The following SGPL1 variants were observed in gnomAD, a reference collection of about 807,000 sequenced individuals.
SGPL1 encodes the protein SP-lyase 1.
SGPL1 carries 37 observed loss-of-function variants against 68.9 expected under a neutral mutation model. That is an observed-to-expected ratio of 0.54 (90% CI 0.41 to 0.71). The LOEUF is 0.71. Among genes scored for constraint, SGPL1 ranks in the 30% least tolerant of loss-of-function variants. SGPL1 has a pLI of 0.00. For synonymous variants in SGPL1, 236 were observed against 248.5 expected (o/e 0.95, Z 0.47); for missense variants, 551 against 704.6 (o/e 0.78, Z 2.47).
intron 7 of SGPL1, among the ~76,000 whole-genome samples, chr10:70,864,681 A>G (rs555016713): frequency 2.6e-5 from 4 of 152,176 alleles, no homozygotes; most frequent in African/African-American, 9.6e-5. Flanking sequence ...TTTATTTTGC[A>G]TGCTACATAC....
chr10:70,862,572 C>T (rs765840098), intron 7 of SGPL1, among the ~76,000 whole-genome samples: 1 of 152,168 alleles, frequency 6.6e-6, no homozygotes, highest in Admixed American at 6.5e-5. Context: ...ACTGCTCACT[C>T]TTTGGGTCCA....
At chr10:70,844,088 A>T (rs772174115) in intron 2 of SGPL1, among the ~76,000 whole-genome samples, 4 of 152,226 alleles carry the variant, frequency 2.6e-5, no homozygotes, top group African/African-American at 9.6e-5. Context: ...GGGGTAGAGA[A>T]TAGGAAAGAT....
chr10:70,854,189 G>A (rs76280244), intron 4 of SGPL1, among the ~76,000 whole-genome samples: 7 of 125,658 alleles, frequency 5.6e-5, no homozygotes, highest in East Asian at 2.2e-4. Context: ...TTTTTTTTTT[G>A]AGACAGAGTC....
chr10:70,863,976 C>G (rs1274167813), intron 7 of SGPL1, among the ~76,000 whole-genome samples: 1 of 152,108 alleles, frequency 6.6e-6, no homozygotes, highest in African/African-American at 2.4e-5. Flanking sequence ...AGGGTGAAAG[C>G]TAGTTTTGCC....
intron 10 of SGPL1, 71 bp from the exon 11 acceptor site, chr10:70,871,766 C>G (rs1287785447): frequency 6.9e-7 from 1 of 1,449,278 alleles, no homozygotes; most frequent in Admixed American, 1.9e-5. Context: ...CATCTTTCCA[C>G]CCATGTCTTG....
In SGPL1 at chr10:70,862,653, G is replaced by A. The variant is rs549946959; in HGVS notation, c.615+3154G>A. 3.3e-5 allele frequency among the ~76,000 whole-genome samples: 5 copies of A among 152,116 alleles called. No homozygotes were observed. The East Asian group carries it at 9.7e-4, about 30-fold the overall frequency. ...TCACTCCTGAAGCCAGTGAGACCAC[G>A]AGCCCACCGGGAGGAACGAACAACT... On this transcript the variant is annotated intron_variant, in intron 7 of 14. Transcript: ENST00000373202.
Position 70,818,108 on chromosome 10 carries a change from C to T in SGPL1, c.27+1228C>T, listed in dbSNP as rs372548654. ...TGTCCGGGTTTAGTTTTTTTTGTTT[C>T]GTTTTGTTTTGTTTTGTTTGTTTGT... On this transcript the variant is annotated intron_variant, in intron 2 of 14. Transcript: ENST00000373202. Among the ~76,000 whole-genome samples, 239 of 151,668 alleles carry T rather than the reference C, an allele frequency of 1.6e-3. 5 individuals are homozygous for T. In the South Asian group the frequency reaches 0.032, roughly 20 times the overall value.
rs778595060 is a variant in SGPL1, at chr10:70,875,469, C to T, written c.1366C>T (p.Arg456Cys). 63 of 1,612,620 alleles carry T rather than the reference C, an allele frequency of 3.9e-5. No homozygotes were observed. The highest frequency in any genetic ancestry group is 2.2e-4 in the Admixed American group (13 of 59,988). The part of the protein sequence containing the change: ...PQLSVIALGS[R>C]DFDIYRLSNL... Reference sequence around the variant, plus strand: ...ATTGTCAGTCATTGCTCTGGGATCCCGTGATTTTGACATCTACCGACTATC... The same window carrying T: ...ATTGTCAGTCATTGCTCTGGGATCCTGTGATTTTGACATCTACCGACTATC... Residue 456 changes from arginine to cysteine, a missense_variant, in exon 13 of 15, where the codon CGT (arginine) becomes TGT (cysteine). By Grantham distance (180) the Arg-to-Cys change is radical. Coordinates refer to ENST00000373202, the MANE Select transcript of SGPL1 (RefSeq NM_003901.4).
At chr10:70,849,227 A>C (rs1845838495) in intron 3 of SGPL1, among the ~76,000 whole-genome samples, 1 of 152,246 alleles carries the variant, frequency 6.6e-6, no homozygotes, top group Admixed American at 6.5e-5. Context: ...ATAAGGAAGC[A>C]TTTCTGAATC....
At chr10:70,823,615 T>C (rs1845381549) in intron 2 of SGPL1, among the ~76,000 whole-genome samples, 1 of 133,574 alleles carries the variant, frequency 7.5e-6, no homozygotes, top group Non-Finnish European at 1.6e-5. Flanking sequence ...ACACAGCATA[T>C]GTGAATTAAT....
chr10:70,828,377 G>A (rs541435057), intron 2 of SGPL1, among the ~76,000 whole-genome samples: 6 of 152,032 alleles, frequency 3.9e-5, no homozygotes, highest in African/African-American at 1.2e-4. Context: ...GCAGGAGTGC[G>A]GTGGTGCGAT....
chr10:70,816,634 C>A (rs1007924819), intron 1 of SGPL1, among the ~76,000 whole-genome samples, 177 bp from the exon 2 acceptor site: 1 of 152,126 alleles, frequency 6.6e-6, no homozygotes, highest in Non-Finnish European at 1.5e-5. Flanking sequence ...AACCTAGTTG[C>A]AGCAGGATTT....
In SGPL1 at chr10:70,876,529, C is replaced by G; in HGVS notation, c.1446-12C>G. The G allele has an allele frequency of 1.2e-6, 2 of 1,606,354 alleles. No individual in the cohort carries two copies. Among genetic ancestry groups the G allele is most frequent in the Non-Finnish European group, 1.7e-6 (2 of 1,177,566 alleles). On this transcript the variant is annotated splice_polypyrimidine_tract_variant and intron_variant, in intron 13 of 14. Coordinates refer to ENST00000373202, the MANE Select transcript of SGPL1 (RefSeq NM_003901.4). ...CTTCAAGGTTCATCTCTCTCTGTCT[C>G]TTCTTTCCTAGTATTCATTTCTGCA...
At chr10:70,857,464 T>G (rs970766325) in intron 5 of SGPL1, 150 bp from the exon 6 acceptor site, 6 of 613,098 alleles carry the variant, frequency 9.8e-6, no homozygotes, top group Non-Finnish European at 1.7e-5. Flanking sequence ...TTGAACTTTT[T>G]TCTTGATTTG....
chr10:70,819,508 T>C (rs117172441), intron 2 of SGPL1, among the ~76,000 whole-genome samples: 2,160 of 152,272 alleles, frequency 0.014, 48 homozygotes, highest in Admixed American at 0.048. Context: ...TTATATGATA[T>C]GTAAAACATG....
chr10:70,830,500 G>C (rs752821056), intron 2 of SGPL1, among the ~76,000 whole-genome samples: 1 of 152,148 alleles, frequency 6.6e-6, no homozygotes, highest in Non-Finnish European at 1.5e-5. Context: ...GATCAGAACT[G>C]CACTCCTTTT....
At chr10:70,826,224 A>AACAATACAAT (rs111664400) in intron 2 of SGPL1, among the ~76,000 whole-genome samples, 2 of 152,130 alleles carry the variant, frequency 1.3e-5, no homozygotes, top group Non-Finnish European at 2.9e-5. Flanking sequence ...AACACAACAC[A>AACAATACAAT]ACAATACAAT....
chr10:70,838,999 G>C (rs1269991096), intron 2 of SGPL1, among the ~76,000 whole-genome samples: 2 of 152,146 alleles, frequency 1.3e-5, no homozygotes, highest in Non-Finnish European at 2.9e-5. Context: ...GCCTTCTGCT[G>C]TTGGGTACAT....
chr10:70,858,629 T>C (rs188128640), intron 6 of SGPL1, among the ~76,000 whole-genome samples: 1 of 152,242 alleles, frequency 6.6e-6, no homozygotes, highest in Non-Finnish European at 1.5e-5. Flanking sequence ...TCCCATTATC[T>C]ACAGGATGAA....
Sources: allele counts gnomAD v4.1 joint callset (sites outside exome capture counted in the v4.1 genomes callset), GRCh38; gene constraint gnomAD v4.1.1; transcripts MANE v1.5; gene names NCBI Gene and HGNC (gene_info 2026-07-23, HGNC 2026-07-21).